Variants in GSE1 observed in about 807,000 individuals in gnomAD.
The protein encoded by GSE1 is Gse1 coiled-coil protein, also known as genetic suppressor element 1.
Under a neutral mutation model 112.6 loss-of-function variants are expected in GSE1, and 32 were observed. The observed-to-expected ratio is 0.28, with a 90% confidence interval of 0.21 to 0.38. The LOEUF is 0.38. GSE1 is among the 10% of genes least tolerant of loss of function. The probability of loss-of-function intolerance (pLI) is 1.00; values close to 1 mark genes in which losing one functional copy is unlikely to be tolerated. For missense variants in GSE1, 2,348 were observed against 1,699.2 expected, an observed-to-expected ratio of 1.38 and a Z score of -6.71; for synonymous variants, 1,115 against 735.6, an observed-to-expected ratio of 1.52 and a Z score of -8.35.
chr16:85,529,124 T>G, intron 2 of GSE1, among the ~76,000 whole-genome samples: 1 of 151,056 alleles, frequency 6.6e-6, no homozygotes, highest in African/African-American at 2.4e-5. Flanking sequence ...TCCAGGGGGG[T>G]CGGACCGGGT....
intron 2 of GSE1, among the ~76,000 whole-genome samples, chr16:85,447,175 C>T (rs1182244789): frequency 6.6e-6 from 1 of 152,138 alleles, no homozygotes; most frequent in Non-Finnish European, 1.5e-5. Context: ...CCCACCTTGC[C>T]TGCTTTGCAA....
At chr16:85,656,744 G>T in intron 7 of GSE1, 79 bp downstream of exon 7, 1 of 1,432,218 alleles carries the variant, frequency 7.0e-7, no homozygotes, top group Non-Finnish European at 9.1e-7. Flanking sequence ...AGCACCTGCC[G>T]GTTGCCGTGG....
chr16:85,201,140 A>G (rs925463670), intron 1 of GSE1, among the ~76,000 whole-genome samples: 3 of 152,130 alleles, frequency 2.0e-5, no homozygotes, highest in African/African-American at 7.2e-5. Context: ...TGGTGCAATC[A>G]TAGCTCACTG....
chr16:85,553,307 CCG>C (rs1491377344), upstream of GSE1, among the ~76,000 whole-genome samples: 1 of 150,486 alleles, frequency 6.6e-6, no homozygotes, highest in African/African-American at 2.4e-5. Context: ...GCCGCCGCCG[CCG>C]CTGCCGGCGG....
In GSE1 at chr16:85,503,592, G is replaced by A. The variant is rs75202093; in HGVS notation, c.2465-130322G>A. Among the ~76,000 whole-genome samples, 325 of 152,236 alleles carry A rather than the reference G, an allele frequency of 2.1e-3. 1 individual carries two copies. Among genetic ancestry groups the A allele is most frequent in the African/African-American group, 7.1e-3 (293 of 41,514 alleles). Reference sequence around the variant, plus strand: ...GCCGCAGTCCAATTAATTAAACACCGCAGCGACCCAAATTATGATCTCTTG... The same window carrying A: ...GCCGCAGTCCAATTAATTAAACACCACAGCGACCCAAATTATGATCTCTTG... On this transcript the variant is annotated intron_variant, in intron 2 of 2. Coordinates refer to the GSE1 transcript ENST00000637419.
chr16:85,604,770 A>ATATATATAT (rs1173336031), intron 1 of GSE1, among the ~76,000 whole-genome samples: 1 of 2,088 alleles, frequency 4.8e-4, no homozygotes, highest in Non-Finnish European at 8.3e-4. Flanking sequence ...AAAAAAAAAA[A>ATATATATAT]AAAAATATAT....
chr16:85,598,389 A>G lies in GSE1; in HGVS notation c.37+42026A>G, dbSNP rs112694784. Among the ~76,000 whole-genome samples the G allele has an allele frequency of 5.3e-3, 812 of 152,194 alleles. 7 individuals are homozygous for G. The highest frequency in any genetic ancestry group is 0.018 in the African/African-American group (763 of 41,514). On this transcript the variant is annotated intron_variant, in intron 1 of 2. Transcript: ENST00000635906. ...ACCCTGTCTGTGGGCATCAGCTTTC[A>G]GGAGAATGCCCAGCCCCATCCCAGA...
intron 1 of GSE1, among the ~76,000 whole-genome samples, chr16:85,618,066 C>A (rs2048491594): frequency 6.6e-6 from 1 of 152,142 alleles, no homozygotes. Context: ...TGCAGAGTCC[C>A]ACTGGCATGG....
intron 1 of GSE1, among the ~76,000 whole-genome samples, chr16:85,324,001 C>T (rs1330383920): frequency 6.6e-6 from 1 of 152,216 alleles, no homozygotes; most frequent in East Asian, 1.9e-4. Flanking sequence ...GAAAGCTTAA[C>T]CAAGGTCTCG....
At chr16:85,394,064 G>A (rs574749748) in intron 2 of GSE1, among the ~76,000 whole-genome samples, 12 of 152,296 alleles carry the variant, frequency 7.9e-5, no homozygotes, top group East Asian at 1.9e-4. Flanking sequence ...CGTCGATACC[G>A]TTCGGGCTCA....
intron 1 of GSE1, among the ~76,000 whole-genome samples, chr16:85,562,171 C>T (rs980148397): frequency 2.0e-5 from 3 of 150,800 alleles, no homozygotes; most frequent in African/African-American, 7.5e-5. Context: ...ATTTACAGCT[C>T]AGAAACTCAG....
At chr16:85,455,619 G>A (rs746867624) in intron 2 of GSE1, among the ~76,000 whole-genome samples, 36 of 152,204 alleles carry the variant, frequency 2.4e-4, no homozygotes, top group Admixed American at 1.4e-3. Context: ...ACTCAGCCCC[G>A]TTTGGAATTG....
chr16:85,482,498 G>GC (rs1293042041), intron 2 of GSE1, among the ~76,000 whole-genome samples: 1 of 95,870 alleles, frequency 1.0e-5, no homozygotes, highest in Non-Finnish European at 2.3e-5. Context: ...ACGTGACTCA[G>GC]TTCCCCCCCC....
chr16:85,225,088 G>A (rs1460436213), intron 1 of GSE1, among the ~76,000 whole-genome samples: 2 of 152,050 alleles, frequency 1.3e-5, no homozygotes, highest in Non-Finnish European at 1.5e-5. Flanking sequence ...CCGAGATCGC[G>A]CCTCCAGCCT....
At chr16:85,421,304 G>C (rs2048839648) in intron 2 of GSE1, among the ~76,000 whole-genome samples, 1 of 152,016 alleles carries the variant, frequency 6.6e-6, no homozygotes, top group South Asian at 2.1e-4. Context: ...AGGGGGATGG[G>C]AGCCTAGGGC....
intron 14 of GSE1, 92 bp downstream of exon 14, chr16:85,668,516 C>G: frequency 1.2e-6 from 1 of 844,718 alleles, no homozygotes; most frequent in South Asian, 1.7e-5. Flanking sequence ...CCTCTGCCAG[C>G]CTGGGGACTG....
intron 1 of GSE1, among the ~76,000 whole-genome samples, chr16:85,557,294 T>C (rs2045279481): frequency 6.6e-6 from 1 of 152,128 alleles, no homozygotes; most frequent in African/African-American, 2.4e-5. Context: ...TCAGGAAGGC[T>C]GTGCTGCGTG....
At chr16:85,287,547 C>G (rs986505843) in intron 1 of GSE1, among the ~76,000 whole-genome samples, 24 of 152,130 alleles carry the variant, frequency 1.6e-4, no homozygotes, top group Admixed American at 2.6e-4. Flanking sequence ...TGCCTCAGGG[C>G]CTTTGTACCC....
chr16:85,235,845 G>T (rs773895351), intron 1 of GSE1, among the ~76,000 whole-genome samples: 16 of 151,984 alleles, frequency 1.1e-4, no homozygotes, highest in Non-Finnish European at 1.8e-4. Context: ...CGGGCGCCGG[G>T]GCAGCTGTTC....
Sources: allele counts gnomAD v4.1 joint callset (sites outside exome capture counted in the v4.1 genomes callset), GRCh38; gene constraint gnomAD v4.1.1; transcripts MANE v1.5; gene names NCBI Gene and HGNC (gene_info 2026-07-23, HGNC 2026-07-21).